The following GRIA1 variants were observed in gnomAD, a reference collection of about 807,000 sequenced individuals.
GRIA1 encodes the protein glutamate ionotropic receptor AMPA type subunit 1.
In GRIA1, 31 loss-of-function variants were observed where a neutral mutation model predicts 99.2. That is an observed-to-expected ratio of 0.31 (90% CI 0.23 to 0.42). The LOEUF (loss-of-function observed/expected upper bound fraction) is 0.42. GRIA1 is among the 10% of genes least tolerant of loss of function. The pLI, the probability that GRIA1 is intolerant of heterozygous loss-of-function variation, is 1.00. For missense variants in GRIA1, 782 were observed against 1,157.5 expected (o/e 0.68, Z 4.71); for synonymous variants, 438 against 432.4 (o/e 1.01, Z -0.16).
At chr5:153,546,361 T>C (rs915323068) in intron 2 of GRIA1, among the ~76,000 whole-genome samples, 1 of 152,210 alleles carries the variant, frequency 6.6e-6, no homozygotes, top group Non-Finnish European at 1.5e-5. Flanking sequence ...CCTGGAGCTT[T>C]ACATTTTATA....
intron 2 of GRIA1, among the ~76,000 whole-genome samples, chr5:153,600,735 G>A (rs1348296382): frequency 6.6e-6 from 1 of 152,170 alleles, no homozygotes; most frequent in Non-Finnish European, 1.5e-5. Flanking sequence ...ATGGAACCTT[G>A]CTGCTAAAAA....
intron 11 of GRIA1, among the ~76,000 whole-genome samples, chr5:153,753,528 T>C (rs1393116278): frequency 1.3e-5 from 2 of 152,166 alleles, no homozygotes. Flanking sequence ...AGCTCTGTCA[T>C]TGCCTTACTG....
At chr5:153,665,968 G>A (rs1049134477) in intron 5 of GRIA1, among the ~76,000 whole-genome samples, 2 of 152,120 alleles carry the variant, frequency 1.3e-5, no homozygotes, top group African/African-American at 2.4e-5. Flanking sequence ...GGCTATACAG[G>A]TTGAGATAAT....
intron 13 of GRIA1, among the ~76,000 whole-genome samples, chr5:153,777,089 G>C (rs982234255): frequency 1.3e-5 from 2 of 152,158 alleles, no homozygotes; most frequent in African/African-American, 4.8e-5. Flanking sequence ...AAATTACCTA[G>C]GGAGCTGGTT....
chr5:153,779,647 G>A (rs1247213457), intron 13 of GRIA1, among the ~76,000 whole-genome samples: 4 of 152,040 alleles, frequency 2.6e-5, no homozygotes, highest in African/African-American at 9.7e-5. Context: ...TGCAACCTCC[G>A]CCTCCTGGAG....
At chr5:153,646,573 G>A (rs1020467892) in intron 2 of GRIA1, among the ~76,000 whole-genome samples, 1 of 152,206 alleles carries the variant, frequency 6.6e-6, no homozygotes, top group African/African-American at 2.4e-5. Flanking sequence ...TAGAGACCAA[G>A]TAAGGTAATA....
At chr5:153,560,979 C>A (rs1346564245) in intron 2 of GRIA1, among the ~76,000 whole-genome samples, 3 of 151,880 alleles carry the variant, frequency 2.0e-5, no homozygotes, top group African/African-American at 7.3e-5. Context: ...GACAAAGGAG[C>A]AGGGATTTTT....
chr5:153,686,379 G>A (rs375669734), intron 8 of GRIA1, 50 bp downstream of exon 8: 45 of 1,396,106 alleles, frequency 3.2e-5, no homozygotes, highest in Non-Finnish European at 4.0e-5. Context: ...GCTGAGCAGG[G>A]ACTCTGGCCA....
At chr5:153,632,430 C>G (rs941918886) in intron 2 of GRIA1, among the ~76,000 whole-genome samples, 2 of 152,288 alleles carry the variant, frequency 1.3e-5, no homozygotes, top group South Asian at 4.1e-4. Context: ...TACCAAAAGT[C>G]AGGCAGCTGG....
chr5:153,518,372 T>A (rs186094002), intron 2 of GRIA1, among the ~76,000 whole-genome samples: 1 of 152,326 alleles, frequency 6.6e-6, no homozygotes, highest in Non-Finnish European at 1.5e-5. Flanking sequence ...GTGTCTAGTC[T>A]GGGGTTAGCA....
Position 153,629,723 on chromosome 5 carries a change from C to T in GRIA1, c.221-17205C>T, listed in dbSNP as rs148437631. Among the ~76,000 whole-genome samples the T allele has an allele frequency of 2.3e-3, 349 of 152,322 alleles. 4 individuals are homozygous for T. Among genetic ancestry groups the T allele is most frequent in the African/African-American group, 8.3e-3 (344 of 41,566 alleles). ...TTAGGATCCTCATCTTGGAAATCTGCCCTCTTCTCCCTCTTTAAGGGATTG... is the reference window on the plus strand; with the variant it reads ...TTAGGATCCTCATCTTGGAAATCTGTCCTCTTCTCCCTCTTTAAGGGATTG... On this transcript the variant is annotated intron_variant, in intron 2 of 15. Coordinates refer to ENST00000285900, the MANE Select transcript of GRIA1 (RefSeq NM_000827.4).
chr5:153,726,365 G>A (rs560119570), intron 11 of GRIA1, among the ~76,000 whole-genome samples: 1,989 of 147,458 alleles, frequency 0.013, 14 homozygotes, highest in Middle Eastern at 0.051. Flanking sequence ...TGAAAAGCTA[G>A]CAGAAGGCAA....
At chr5:153,706,596 G>T (rs545654407) in intron 11 of GRIA1, among the ~76,000 whole-genome samples, 67 of 152,216 alleles carry the variant, frequency 4.4e-4, no homozygotes, top group Admixed American at 8.5e-4. Flanking sequence ...TGCATGGTGG[G>T]AAGAGCACTG....
intron 2 of GRIA1, among the ~76,000 whole-genome samples, chr5:153,540,802 G>A (rs1759007682): frequency 6.6e-6 from 1 of 152,136 alleles, no homozygotes; most frequent in Non-Finnish European, 1.5e-5. Context: ...ACCCAAAAAA[G>A]GAGAAAAACC....
At chr5:153,649,016 G>A (rs1280477295) in intron 3 of GRIA1, among the ~76,000 whole-genome samples, 1 of 152,182 alleles carries the variant, frequency 6.6e-6, no homozygotes, top group Admixed American at 6.5e-5. Context: ...GTCCTTAAAT[G>A]TGGAAGTTGG....
intron 11 of GRIA1, among the ~76,000 whole-genome samples, chr5:153,736,029 A>T (rs375939156): frequency 1.3e-5 from 2 of 152,210 alleles, no homozygotes; most frequent in East Asian, 1.9e-4. Context: ...TTTAGGAATC[A>T]TCAGCATACA....
At chr5:153,649,675 T>C (rs746065686) in intron 3 of GRIA1, among the ~76,000 whole-genome samples, 17 of 152,284 alleles carry the variant, frequency 1.1e-4, no homozygotes, top group Non-Finnish European at 2.1e-4. Flanking sequence ...TTTGCCAGGC[T>C]GGTCTCAAAC....
intron 5 of GRIA1, among the ~76,000 whole-genome samples, chr5:153,671,337 T>C (rs1342752439): frequency 6.6e-6 from 1 of 152,222 alleles, no homozygotes; most frequent in Non-Finnish European, 1.5e-5. Flanking sequence ...ATACTTTCCA[T>C]TTCAATCTCC....
chr5:153,724,027 G>A (rs934458678), intron 11 of GRIA1, among the ~76,000 whole-genome samples: 18 of 152,184 alleles, frequency 1.2e-4, no homozygotes, highest in Admixed American at 6.5e-4. Context: ...TCACACGGCC[G>A]GGTACTCCTC....
Sources: allele counts gnomAD v4.1 joint callset (sites outside exome capture counted in the v4.1 genomes callset), GRCh38; gene constraint gnomAD v4.1.1; transcripts MANE v1.5; gene names NCBI Gene and HGNC (gene_info 2026-07-23, HGNC 2026-07-21).